Variants in GDF11 observed in about 807,000 individuals in gnomAD.
GDF11 encodes growth differentiation factor 11, also known as growth/differentiation factor 11.
In GDF11, 12 loss-of-function variants were observed where a neutral mutation model predicts 34.4. That is an observed-to-expected ratio of 0.35 (90% CI 0.22 to 0.57). GDF11 has a LOEUF of 0.57. Ranked by LOEUF, GDF11 falls within the 20% of genes least tolerant of loss-of-function variation. The pLI, the probability that GDF11 is intolerant of heterozygous loss-of-function variation, is 0.86. For missense variants in GDF11, 346 were observed against 548.2 expected (o/e 0.63, Z 3.68); for synonymous variants, 212 against 231.1 (o/e 0.92, Z 0.75).
chr12:55,746,759 T>G (rs1878194003), intron 1 of GDF11, among the ~76,000 whole-genome samples: 1 of 152,268 alleles, frequency 6.6e-6, no homozygotes, highest in Non-Finnish European at 1.5e-5. Flanking sequence ...TCAGCACTCA[T>G]GTGAAGCAAG....
In GDF11 at chr12:55,743,725, G is replaced by T. The variant is rs374537273; in HGVS notation, c.409G>T (p.Ala137Ser). Residue 137 changes from alanine (A) to serine (S), a missense_variant, in exon 1 of 3, where the codon GCC becomes TCC. Physicochemically the swap from Ala to Ser is moderately conservative, Grantham distance 99. Transcript: ENST00000257868. ...EDFLEEDEYH[A>S]TTETVISMAQ... is the part of the protein sequence containing the mutation. ...CTTCCTGGAGGAGGACGAGTACCAC[G>T]CCACCACCGAGACCGTCATTAGCAT... 5 of 1,592,940 alleles carry T rather than the reference G, an allele frequency of 3.1e-6. No homozygotes were observed. In the East Asian group the frequency reaches 9.0e-5, roughly 29 times the overall value.
rs1878256499 is a variant in GDF11, at chr12:55,749,484, CCT to C, written c.844-14_844-13del. 1 of 1,592,204 alleles carries C rather than the reference CCT, an allele frequency of 6.3e-7. No individual in the cohort carries two copies. The highest frequency in any genetic ancestry group is 1.3e-5 in the African/African-American group (1 of 74,484). The stretch of plus-strand genomic sequence containing the variant: ...TCAGGACCATATCACATTTCTTTCC[CCT>C]CTCCCTGACCCTCAGCATCCATTCA... On this transcript the variant is annotated splice_polypyrimidine_tract_variant and intron_variant, in intron 2 of 2. Coordinates refer to ENST00000257868, the MANE Select transcript of GDF11 (RefSeq NM_005811.5). This position sits in a 1 kb window ranked among gnomAD's most constrained non-coding sequence, Gnocchi z 5.6.
In GDF11 at chr12:55,748,558, C is replaced by T. The variant is rs1208220880; in HGVS notation, c.446-28C>T. On this transcript the variant is annotated intron_variant, in intron 1 of 2. Transcript: ENST00000257868. The surrounding 1 kb of genome is among the most constrained non-coding windows in gnomAD (Gnocchi z 5.6). ...TGATCCCCTACACAAACACCCTTTG[C>T]TGATGCTGTGCCCTTCTCTCTTATC... is the stretch of plus-strand genomic sequence containing the variant. 1 of 1,571,656 alleles carries T rather than the reference C, an allele frequency of 6.4e-7. No individual in the cohort carries two copies. Among genetic ancestry groups the T allele is most frequent in the East Asian group, 2.3e-5 (1 of 44,430 alleles).
At position 55,749,610 on chromosome 12, in the gene GDF11, C is replaced by T; in HGVS notation, c.952C>T (p.Leu318Phe). ...CGAGTCCCGCTGCTGCCGATATCCCCTCACAGTGGACTTTGAGGCTTTCGG... is the reference window on the plus strand; with the variant it reads ...CGAGTCCCGCTGCTGCCGATATCCCTTCACAGTGGACTTTGAGGCTTTCGG... ...SSESRCCRYP[L>F]TVDFEAFGWD... The change falls in exon 3 of 3, where the codon CTC becomes TTC. Residue 318 changes from leucine to phenylalanine, a missense_variant. By Grantham distance (22) the Leu-to-Phe change is conservative (BLOSUM62 0). Transcript: ENST00000257868. This position sits in a 1 kb window ranked among gnomAD's most constrained non-coding sequence, Gnocchi z 5.6. The T allele has an allele frequency of 1.2e-6, 2 of 1,614,214 alleles. No homozygotes were observed. The highest frequency in any genetic ancestry group is 8.5e-7 in the Non-Finnish European group (1 of 1,180,044).
In GDF11 at chr12:55,743,285, G is replaced by C; in HGVS notation, c.-32G>C. 6.3e-4 allele frequency: 183 copies of C among 292,726 alleles called. No homozygotes were observed. The highest frequency in any genetic ancestry group is 8.2e-4 in the Non-Finnish European group (168 of 205,418). The allele number at this position is 292,726 out of a possible 1,614,324, so 18.1% of individuals were successfully genotyped here. A position where few individuals can be genotyped will look rare whatever the true frequency, so the allele number is the denominator to read the frequency against. ...CTCCCCGCGGGACTCCGGCGTCCCC[G>C]CCCCCCAGTCCTCCCTCCCCTCCCC... On this transcript the variant is annotated 5_prime_UTR_variant, in exon 1 of 3. Coordinates refer to ENST00000257868, the MANE Select transcript of GDF11 (RefSeq NM_005811.5).
intron 1 of GDF11, among the ~76,000 whole-genome samples, chr12:55,746,560 T>C (rs1878189665): frequency 6.6e-6 from 1 of 152,238 alleles, no homozygotes; most frequent in Non-Finnish European, 1.5e-5. Context: ...TAGCACTGAC[T>C]GTCCCCTGTC....
Position 55,752,286 on chromosome 12 carries a change from G to T in GDF11, c.*2404G>T, listed in dbSNP as rs1878346193. 1 of 147,192 alleles carries T rather than the reference G, an allele frequency of 6.8e-6. No individual in the cohort carries two copies. The highest frequency in any genetic ancestry group is 6.9e-5 in the Admixed American group (1 of 14,392). 9.1% of individuals were successfully genotyped at this position (147,192 alleles called of 1,614,324 possible). A position where few individuals can be genotyped will look rare whatever the true frequency, so the allele number is the denominator to read the frequency against. On this transcript the variant is annotated 3_prime_UTR_variant, in exon 3 of 3. Transcript: ENST00000257868. ...AAGCATCAGGTATCTTCCCTCTACA[G>T]ATTCTAGAGAGCTGGGGCATTAAAT...
chr12:55,748,759 G>C lies in GDF11; in HGVS notation c.619G>C (p.Gly207Arg). 6.2e-7 allele frequency: 1 copy of C among 1,614,248 alleles called. No homozygotes were observed. The highest frequency in any genetic ancestry group is 8.5e-7 in the Non-Finnish European group (1 of 1,180,050). The change falls in exon 2 of 3, where the codon GGG becomes CGG. Residue 207 changes from glycine (G) to arginine (R), a missense_variant. Gly to Arg is a moderately radical substitution (Grantham distance 125). Transcript: ENST00000257868. The surrounding 1 kb of genome is among the most constrained non-coding windows in gnomAD (Gnocchi z 5.6). ...GCGACTAAAACCCCTAACTGGGGAA[G>C]GGACCGCAGGGGGAGGGGGCGGAGG... Reference protein sequence around the residue: ...ILRLKPLTGEGTAGGGGGGRR... With the variant: ...ILRLKPLTGERTAGGGGGGRR...
In GDF11 at chr12:55,749,837, C is replaced by A; in HGVS notation, c.1179C>A (p.Tyr393Ter). 1 of 1,614,026 alleles carries A rather than the reference C, an allele frequency of 6.2e-7. No homozygotes were observed. The highest frequency in any genetic ancestry group is 8.5e-7 in the Non-Finnish European group (1 of 1,179,966). Residue 393 changes from tyrosine to a stop codon, truncating the protein, a stop_gained, in exon 3 of 3, where the codon TAC becomes TAA. Coordinates refer to ENST00000257868, the MANE Select transcript of GDF11 (RefSeq NM_005811.5). LOFTEE classifies it high-confidence loss of function. This position sits in a 1 kb window ranked among gnomAD's most constrained non-coding sequence, Gnocchi z 5.6. The part of the protein sequence containing the change: ...LYFNDKQQII[Y>*]GKIPGMVVDR... ...TCAATGACAAGCAGCAGATTATCTACGGCAAGATCCCTGGCATGGTGGTGG... is the reference window on the plus strand; with the variant it reads ...TCAATGACAAGCAGCAGATTATCTAAGGCAAGATCCCTGGCATGGTGGTGG...
rs1248714439 is a variant in GDF11 at position 55,743,441 on chromosome 12, G to C, written c.125G>C (p.Gly42Ala). 4 of 1,183,026 alleles carry C rather than the reference G, an allele frequency of 3.4e-6. No homozygotes were observed. The highest frequency in any genetic ancestry group is 9.2e-5 in the Admixed American group (2 of 21,634). The allele number at this position is 1,183,026 out of a possible 1,614,324, so 73.3% of individuals were successfully genotyped here. The change falls in exon 1 of 3, where the codon GGG becomes GCG. Residue 42 changes from glycine to alanine, a missense_variant. Physicochemically the swap from Gly to Ala is moderately conservative, Grantham distance 60 (BLOSUM62 0). Around this residue, in one of 3 missense-constraint regions of GDF11, gnomAD observed 141 missense variants for 213.8 expected, o/e 0.66. Coordinates refer to ENST00000257868, the MANE Select transcript of GDF11 (RefSeq NM_005811.5). ...AAAAAAAAAA[G>A]VGGERSSRPA... ...GCGGCGGCGGCGGCGGCAGCGGCGG[G>C]GGTCGGGGGGGAGCGCTCCAGCCGG...
At position 55,753,931 on chromosome 12, in the gene GDF11, C is replaced by G. The variant is rs1878421602; in HGVS notation, c.*4049C>G. 6.6e-6 allele frequency: 1 copy of G among 152,136 alleles called. No homozygotes were observed. The highest frequency in any genetic ancestry group is 1.5e-5 in the Non-Finnish European group (1 of 68,038). 9.4% of individuals were successfully genotyped at this position (152,136 alleles called of 1,614,324 possible). On this transcript the variant is annotated 3_prime_UTR_variant, in exon 3 of 3. Transcript: ENST00000257868. ...CTGTAAATAGCCACTGTACTCCAAG[C>G]TGAGCAACACAGTAAGACACTGTCT...
rs1592545674 is a variant in GDF11, at chr12:55,749,909, A to G, written c.*27A>G. 1.3e-6 allele frequency: 2 copies of G among 1,580,004 alleles called. No homozygotes were observed. Among genetic ancestry groups the G allele is most frequent in the Middle Eastern group, 1.7e-4 (1 of 5,818 alleles). On this transcript the variant is annotated 3_prime_UTR_variant, in exon 3 of 3. Coordinates refer to ENST00000257868, the MANE Select transcript of GDF11 (RefSeq NM_005811.5). The surrounding 1 kb of genome is among the most constrained non-coding windows in gnomAD (Gnocchi z 5.6). ...GTGGGGGATAGAGGATGCCTCCCCC[A>G]CAGACCCTACCCCAAGACCCCTAGC...
At position 55,748,735 on chromosome 12, in the gene GDF11, C is replaced by A. The variant is rs895812127; in HGVS notation, c.595C>A (p.Arg199=). The part of the protein sequence containing the change: ...RPATVYLQIL[R]LKPLTGEGTA... ...AGCCACAGTCTACCTGCAGATCTTG[C>A]GACTAAAACCCCTAACTGGGGAAGG... The change falls in exon 2 of 3, where the codon CGA becomes AGA. Residue 199 remains arginine, a synonymous_variant. Coordinates refer to ENST00000257868, the MANE Select transcript of GDF11 (RefSeq NM_005811.5). This position sits in a 1 kb window ranked among gnomAD's most constrained non-coding sequence, Gnocchi z 5.6. The A allele has an allele frequency of 6.2e-7, 1 of 1,614,116 alleles. No individual in the cohort carries two copies. Among genetic ancestry groups the A allele is most frequent in the Non-Finnish European group, 8.5e-7 (1 of 1,180,054 alleles).
At chr12:55,745,501 T>G (rs1046574228) in intron 1 of GDF11, among the ~76,000 whole-genome samples, 1 of 147,882 alleles carries the variant, frequency 6.8e-6, no homozygotes, top group Non-Finnish European at 1.5e-5. Flanking sequence ...CCAGGACTTG[T>G]ACAAGTAGGG....
chr12:55,744,418 A>G (rs1009593245), intron 1 of GDF11, among the ~76,000 whole-genome samples: 1 of 152,158 alleles, frequency 6.6e-6, no homozygotes, highest in African/African-American at 2.4e-5. Flanking sequence ...CTGGGGGCTA[A>G]GGACACTCAT....
In GDF11 at chr12:55,748,565, T is replaced by C. The variant is rs745740256; in HGVS notation, c.446-21T>C. 1.2e-5 allele frequency: 19 copies of C among 1,584,132 alleles called. No individual in the cohort carries two copies. Among genetic ancestry groups the C allele is most frequent in the Non-Finnish European group, 1.6e-5 (19 of 1,162,408 alleles). On this transcript the variant is annotated intron_variant, in intron 1 of 2. Transcript: ENST00000257868. The surrounding 1 kb of genome is among the most constrained non-coding windows in gnomAD (Gnocchi z 5.6). Reference sequence around the variant, plus strand: ...CTACACAAACACCCTTTGCTGATGCTGTGCCCTTCTCTCTTATCAGCGGAC... The same window carrying C: ...CTACACAAACACCCTTTGCTGATGCCGTGCCCTTCTCTCTTATCAGCGGAC...
At chr12:55,745,928 A>G (rs1878175107) in intron 1 of GDF11, among the ~76,000 whole-genome samples, 1 of 141,934 alleles carries the variant, frequency 7.0e-6, no homozygotes, top group Admixed American at 6.9e-5. Context: ...CTGCCCTCTC[A>G]GCCCAACCTC....
Position 55,748,862 on chromosome 12 carries a change from A to C in GDF11, c.722A>C (p.Lys241Thr), listed in dbSNP as rs1471862638. The stretch of plus-strand genomic sequence containing the variant: ...GGCCATTGGCAGAGCATCGACTTCA[A>C]GCAAGTGCTACACAGCTGGTTCCGC... Reference protein sequence around the residue: ...RSGHWQSIDFKQVLHSWFRQP... With the variant: ...RSGHWQSIDFTQVLHSWFRQP... The change falls in exon 2 of 3, where the codon AAG becomes ACG. Residue 241 changes from lysine (K) to threonine (T), a missense_variant. Around this residue, in one of 3 missense-constraint regions of GDF11, gnomAD observed 205 missense variants for 311.3 expected, o/e 0.66. Coordinates refer to ENST00000257868, the MANE Select transcript of GDF11 (RefSeq NM_005811.5). This position sits in a 1 kb window ranked among gnomAD's most constrained non-coding sequence, Gnocchi z 5.6. The C allele has an allele frequency of 3.1e-6, 5 of 1,613,270 alleles. No homozygotes were observed. The highest frequency in any genetic ancestry group is 4.2e-6 in the Non-Finnish European group (5 of 1,179,998).
In GDF11 at chr12:55,743,506, G is replaced by A; in HGVS notation, c.190G>A (p.Val64Met). Residue 64 changes from valine (V) to methionine (M), a missense_variant, in exon 1 of 3, where the codon GTG (valine) becomes ATG (methionine). Val to Met is a conservative substitution (Grantham distance 21, BLOSUM62 1). Coordinates refer to ENST00000257868, the MANE Select transcript of GDF11 (RefSeq NM_005811.5). ...SVAPEPDGCP[V>M]CVWRQHSREL... ...GGCGCCCGAGCCGGACGGCTGCCCC[G>A]TGTGCGTTTGGCGGCAGCACAGCCG... The A allele has an allele frequency of 3.1e-6, 5 of 1,588,706 alleles. No homozygotes were observed. The highest frequency in any genetic ancestry group is 4.3e-6 in the Non-Finnish European group (5 of 1,174,334).
Sources: gnomAD v4.1 joint callset for allele counts (sites outside exome capture counted in the v4.1 genomes callset) on GRCh38, gnomAD v4.1.1 for gene constraint, gnomAD v4.1.1 regional missense constraint, Gnocchi (gnomAD v3.1) non-coding constraint, MANE v1.5 for transcripts, NCBI Gene and HGNC (gene_info 2026-07-23, HGNC 2026-07-21) for gene names.